Variants in MTUS2 observed in about 807,000 individuals in gnomAD.
MTUS2 encodes the protein microtubule-associated tumor suppressor candidate 2.
A neutral mutation model predicts 114.1 loss-of-function variants in MTUS2; 40 were observed. The ratio of observed to expected loss-of-function variants is 0.35; its 90% confidence interval spans 0.27 to 0.46. The LOEUF (loss-of-function observed/expected upper bound fraction) is 0.46, where lower values mean the gene tolerates loss of function less well. MTUS2 is among the 20% of genes least tolerant of loss of function. MTUS2 has a pLI of 1.00. For synonymous variants in MTUS2, 688 were observed against 672.0 expected, an observed-to-expected ratio of 1.02 and a Z score of -0.37; for missense variants, 1,679 against 1,705.4, an observed-to-expected ratio of 0.98 and a Z score of 0.27.
chr13:28,866,644 C>G (rs574968815), intron 2 of MTUS2, among the ~76,000 whole-genome samples: 1 of 152,088 alleles, frequency 6.6e-6, no homozygotes, highest in Admixed American at 6.6e-5. Flanking sequence ...CTTAAAGATG[C>G]CTTTGTATAA....
Position 29,504,629 on chromosome 13 carries a change from A to G in MTUS2, c.*1423A>G. On this transcript the variant is annotated 3_prime_UTR_variant, in exon 16 of 16. Transcript: ENST00000612955. Reference sequence around the variant, plus strand: ...CTGTCTCTAAAATGGTAGAATTAGGATATGAACAGTACTCATGTAGTGGTG... The same window carrying G: ...CTGTCTCTAAAATGGTAGAATTAGGGTATGAACAGTACTCATGTAGTGGTG... 4.3e-6 allele frequency: 1 copy of G among 233,182 alleles called. No homozygotes were observed. The allele number at this position is 233,182 out of a possible 1,614,324, so 14.4% of individuals were successfully genotyped here. A position where few individuals can be genotyped will look rare whatever the true frequency, so the allele number is the denominator to read the frequency against.
chr13:29,432,103 TCGGCCACCCAA>T, intron 8 of MTUS2, among the ~76,000 whole-genome samples: 2 of 145,114 alleles, frequency 1.4e-5, no homozygotes, highest in Non-Finnish European at 3.0e-5. Flanking sequence ...TCCACCCACC[TCGGCCACCCAA>T]AATGTTGGGA....
chr13:28,962,708 G>A (rs1444823858), intron 2 of MTUS2, among the ~76,000 whole-genome samples: 1 of 152,070 alleles, frequency 6.6e-6, no homozygotes, highest in African/African-American at 2.4e-5. Context: ...TATTTTGTGG[G>A]CTTAGTAAAC....
At chr13:29,469,289 A>T (rs1440437599) in intron 9 of MTUS2, among the ~76,000 whole-genome samples, 1 of 151,928 alleles carries the variant, frequency 6.6e-6, no homozygotes, top group Non-Finnish European at 1.5e-5. Context: ...ATCTCTCTTT[A>T]TCGGGAAACT....
At chr13:29,292,604 G>C (rs117320482) in intron 6 of MTUS2, among the ~76,000 whole-genome samples, 3 of 152,252 alleles carry the variant, frequency 2.0e-5, no homozygotes, top group Admixed American at 2.0e-4. Flanking sequence ...TTCACGGTAC[G>C]ATGGATTAAG....
At chr13:29,109,750 A>G (rs1890809294) in intron 5 of MTUS2, among the ~76,000 whole-genome samples, 1 of 152,212 alleles carries the variant, frequency 6.6e-6, no homozygotes, top group African/African-American at 2.4e-5. Context: ...GGGCATTTCC[A>G]TCCATTGGCC....
At chr13:29,032,693 C>T (rs1886883014) in intron 3 of MTUS2, among the ~76,000 whole-genome samples, 1 of 152,106 alleles carries the variant, frequency 6.6e-6, no homozygotes, top group Non-Finnish European at 1.5e-5. Context: ...TGAAGGAGGA[C>T]TTTGTATCTA....
At chr13:28,986,350 T>G (rs1019031217) in intron 2 of MTUS2, among the ~76,000 whole-genome samples, 7 of 152,154 alleles carry the variant, frequency 4.6e-5, no homozygotes, top group Admixed American at 3.9e-4. Flanking sequence ...AGAACTTGCC[T>G]GCTGTGTAGA....
chr13:29,112,493 C>T (rs1211712105), intron 5 of MTUS2, among the ~76,000 whole-genome samples: 1 of 152,108 alleles, frequency 6.6e-6, no homozygotes, highest in African/African-American at 2.4e-5. Context: ...AATCAGGTTA[C>T]AAGGGGGTAA....
At chr13:29,225,756 C>T (rs115547150) in intron 5 of MTUS2, among the ~76,000 whole-genome samples, 2,123 of 152,172 alleles carry the variant, frequency 0.014, 44 homozygotes, top group African/African-American at 0.048. Context: ...TGCTCATGTG[C>T]TGACCGAAAG....
intron 2 of MTUS2, among the ~76,000 whole-genome samples, chr13:28,848,696 C>T (rs1258117586): frequency 6.6e-6 from 1 of 151,854 alleles, no homozygotes; most frequent in African/African-American, 2.4e-5. Flanking sequence ...TATTTCTAGC[C>T]CCACCCTATT....
At chr13:29,049,932 C>T (rs969695633) in intron 4 of MTUS2, among the ~76,000 whole-genome samples, 6 of 152,200 alleles carry the variant, frequency 3.9e-5, no homozygotes, top group African/African-American at 9.6e-5. Context: ...AGAGCCTGCG[C>T]CCCTCACACA....
intron 8 of MTUS2, among the ~76,000 whole-genome samples, chr13:29,389,051 G>A (rs1296686036): frequency 3.3e-5 from 5 of 151,658 alleles, no homozygotes; most frequent in African/African-American, 4.9e-5. Flanking sequence ...TGTAAACTCC[G>A]CTAATTAACA....
intron 4 of MTUS2, among the ~76,000 whole-genome samples, chr13:29,078,738 TCATC>T (rs1889308076): frequency 6.6e-6 from 1 of 152,234 alleles, no homozygotes; most frequent in African/African-American, 2.4e-5. Flanking sequence ...CTTTCAAACT[TCATC>T]CACATTTCAG....
chr13:29,000,870 T>A (rs1885354094), intron 2 of MTUS2, among the ~76,000 whole-genome samples: 1 of 152,134 alleles, frequency 6.6e-6, no homozygotes, highest in Non-Finnish European at 1.5e-5. Context: ...CTCCCAGTCC[T>A]TCTCCTTCCT....
chr13:28,963,987 C>T (rs749625932), intron 2 of MTUS2, among the ~76,000 whole-genome samples: 4 of 152,160 alleles, frequency 2.6e-5, no homozygotes, highest in South Asian at 2.1e-4. Context: ...CTTCATCCTT[C>T]GTTTCTACTT....
At chr13:29,093,891 C>A (rs1029342632) in intron 4 of MTUS2, among the ~76,000 whole-genome samples, 7 of 152,048 alleles carry the variant, frequency 4.6e-5, no homozygotes, top group African/African-American at 1.7e-4. Flanking sequence ...TTCCAATAAG[C>A]CCTTATAAGA....
chr13:29,316,783 C>G (rs1900008046), intron 6 of MTUS2, among the ~76,000 whole-genome samples: 1 of 152,196 alleles, frequency 6.6e-6, no homozygotes, highest in Non-Finnish European at 1.5e-5. Context: ...CAATAATACC[C>G]ACAGAGTTTG....
chr13:28,954,189 G>A (rs1348297640), intron 2 of MTUS2, among the ~76,000 whole-genome samples: 1 of 152,038 alleles, frequency 6.6e-6, no homozygotes, highest in Non-Finnish European at 1.5e-5. Context: ...AATATTCATG[G>A]CATTTGCGAA....
Sources: allele counts gnomAD v4.1 joint callset (sites outside exome capture counted in the v4.1 genomes callset), GRCh38; gene constraint gnomAD v4.1.1; transcripts MANE v1.5; gene names NCBI Gene and HGNC (gene_info 2026-07-23, HGNC 2026-07-21).